Variants in ASRGL1 observed in about 807,000 individuals in gnomAD.
The protein encoded by ASRGL1 is isoaspartyl peptidase/L-asparaginase.
In ASRGL1, 16 loss-of-function variants were observed where a neutral mutation model predicts 22.4. That is an observed-to-expected ratio of 0.71 (90% CI 0.48 to 1.08). The LOEUF (loss-of-function observed/expected upper bound fraction) is 1.08. ASRGL1 is among the 50% of genes least tolerant of loss of function. ASRGL1 has a pLI of 0.00. For missense variants in ASRGL1, 412 were observed against 410.1 expected (o/e 1.00, Z -0.04); for synonymous variants, 165 against 159.3 (o/e 1.04, Z -0.27).
rs139195278 is a variant in ASRGL1 at position 62,349,992 on chromosome 11, G to A, written c.191-6333G>A. Among the ~76,000 whole-genome samples, 37 of 152,230 alleles carry A rather than the reference G, an allele frequency of 2.4e-4. No homozygotes were observed. The East Asian group carries it at 7.1e-3, about 29-fold the overall frequency. ...TCTTGGGTTTGGTGGGGTTTGGCTG[G>A]CTTCTTTACTGTAACCTGTTTTATC... On this transcript the variant is annotated intron_variant, in intron 2 of 6. Coordinates refer to ENST00000415229, the MANE Select transcript of ASRGL1 (RefSeq NM_001083926.2).
chr11:62,342,834 T>A (rs1220302417), intron 2 of ASRGL1, among the ~76,000 whole-genome samples: 1 of 152,226 alleles, frequency 6.6e-6, no homozygotes, highest in Non-Finnish European at 1.5e-5. Context: ...CATAATACAT[T>A]AAAGTGTTAC....
At chr11:62,338,439 T>TC (rs1945781090) in intron 2 of ASRGL1, 1 of 392,930 alleles carries the variant, frequency 2.5e-6, no homozygotes, top group Admixed American at 4.2e-5. Flanking sequence ...TGGAGAGACA[T>TC]AAGATGTCAA....
chr11:62,371,376 T>C, intron 4 of ASRGL1: 1 of 709,462 alleles, frequency 1.4e-6, no homozygotes, highest in Non-Finnish European at 2.2e-6. Context: ...AGGTGGGCGG[T>C]GCGGCTGTGG....
In ASRGL1 at chr11:62,375,457, T is replaced by C. The variant is rs1456374851; in HGVS notation, c.492-13676T>C. The stretch of plus-strand genomic sequence containing the variant: ...ATATATATATATATATATATATATA[T>C]ATATATATATATATATATATATATT... On this transcript the variant is annotated intron_variant, in intron 4 of 6. Coordinates refer to ENST00000415229, the MANE Select transcript of ASRGL1 (RefSeq NM_001083926.2). Among the ~76,000 whole-genome samples the C allele has an allele frequency of 6.9e-3, 772 of 111,316 alleles. 35 individuals carry two copies. The highest frequency in any genetic ancestry group is 0.025 in the African/African-American group (740 of 30,152). The allele number at this position is 111,316 out of a possible 152,430, so 73.0% of individuals were successfully genotyped here.
intron 2 of ASRGL1, among the ~76,000 whole-genome samples, chr11:62,349,762 T>C (rs796425293): frequency 9.2e-5 from 14 of 152,314 alleles, no homozygotes; most frequent in African/African-American, 3.1e-4. Flanking sequence ...GAATAAAGCA[T>C]GGCTACTCCA....
chr11:62,392,110 G>C lies in ASRGL1; in HGVS notation c.753G>C (p.Ser251=), dbSNP rs149188142. The change falls in exon 7 of 7, where the codon TCG becomes TCC. Residue 251 remains serine, a synonymous_variant. Transcript: ENST00000415229. The part of the protein sequence containing the change: ...GKTVEEAADL[S]LGYMKSRVKG... ...CGGTAGAAGAGGCTGCGGACCTATC[G>C]TTGGGTTATATGAAGTCAAGGGTTA... The C allele has an allele frequency of 3.3e-5, 53 of 1,614,084 alleles. No individual in the cohort carries two copies. The African/African-American group carries it at 6.8e-4, about 21-fold the overall frequency.
chr11:62,345,988 G>A (rs1250968327), intron 2 of ASRGL1, among the ~76,000 whole-genome samples: 1 of 152,072 alleles, frequency 6.6e-6, no homozygotes, highest in Non-Finnish European at 1.5e-5. Flanking sequence ...TGGGGGTTGG[G>A]GACTCCTATG....
intron 4 of ASRGL1, among the ~76,000 whole-genome samples, chr11:62,369,589 C>G (rs1411433365): frequency 6.6e-6 from 1 of 152,100 alleles, no homozygotes; most frequent in East Asian, 1.9e-4. Context: ...ATGAAATTTA[C>G]AATAATAGTA....
chr11:62,398,653 C>T, the ASRGL1 span, among the ~76,000 whole-genome samples: 1 of 152,224 alleles, frequency 6.6e-6, no homozygotes, highest in Non-Finnish European at 1.5e-5. Flanking sequence ...GCTCCCCGCC[C>T]CTCCCCTGGG....
chr11:62,343,730 C>CAAAAAA (rs71053038), intron 2 of ASRGL1, among the ~76,000 whole-genome samples: 1 of 68,964 alleles, frequency 1.5e-5, no homozygotes, highest in Non-Finnish European at 2.5e-5. Context: ...TCCAGCTCCA[C>CAAAAAA]AAAAAAAAAA....
At chr11:62,337,739 AC>A (rs3216739) in intron 1 of ASRGL1, among the ~76,000 whole-genome samples, 150 bp from the exon 2 acceptor site, 128,686 of 152,020 alleles carry the variant, frequency 0.85, 54,992 homozygotes, top group East Asian at 0.99. Context: ...GGAAACTGAG[AC>A]CCCCAGCAGG....
intron 4 of ASRGL1, among the ~76,000 whole-genome samples, chr11:62,369,159 C>T (rs1176958664): frequency 3.3e-5 from 5 of 152,094 alleles, no homozygotes; most frequent in African/African-American, 7.2e-5. Flanking sequence ...TGTGGCTTTC[C>T]GCAGTGTATT....
rs368178129 is a variant in ASRGL1 at position 62,388,651 on chromosome 11, CAA to C, written c.492-480_492-479del. On this transcript the variant is annotated intron_variant, in intron 4 of 6. Coordinates refer to ENST00000415229, the MANE Select transcript of ASRGL1 (RefSeq NM_001083926.2). ...TGCCACTGCACTGCAGCCTGGGCGA[CAA>C]AGTGAGACTTCATCTCAAAAAAAAA... 6.4e-3 allele frequency among the ~76,000 whole-genome samples: 708 copies of C among 110,280 alleles called. 2 individuals carry two copies. The highest frequency in any genetic ancestry group is 0.02 in the African/African-American group (562 of 28,244). The allele number at this position is 110,280 out of a possible 152,430, so 72.3% of individuals were successfully genotyped here.
intron 4 of ASRGL1, among the ~76,000 whole-genome samples, chr11:62,364,158 CAAAAAAAA>C: frequency 1.1e-5 from 1 of 93,494 alleles, no homozygotes; most frequent in East Asian, 2.9e-4. Flanking sequence ...GAGTCCGTCT[CAAAAAAAA>C]AAAAAAAAAA....
At chr11:62,392,015 G>A (rs1005485249) in intron 6 of ASRGL1, 64 bp from the exon 7 acceptor site, 2 of 1,566,630 alleles carry the variant, frequency 1.3e-6, no homozygotes, top group Admixed American at 1.7e-5. Flanking sequence ...CAAATGGCAA[G>A]TGATTTTCCC....
rs189638601 is a variant in ASRGL1, at chr11:62,388,973, G to A, written c.492-160G>A. On this transcript the variant is annotated intron_variant, in intron 4 of 6. Coordinates refer to ENST00000415229, the MANE Select transcript of ASRGL1 (RefSeq NM_001083926.2). ...CCAGCAATCCACCTGTAACTTACAC[G>A]TAGAATGAGAAGCAGCAGGTTCTTT... Among the ~76,000 whole-genome samples the A allele has an allele frequency of 7.5e-3, 1,138 of 152,256 alleles. 6 individuals are homozygous for A. Among genetic ancestry groups the A allele is most frequent in the Non-Finnish European group, 0.011 (781 of 68,032 alleles).
chr11:62,362,890 A>AATTTTTT (rs1946514040), intron 4 of ASRGL1, among the ~76,000 whole-genome samples: 1 of 72,362 alleles, frequency 1.4e-5, no homozygotes, highest in East Asian at 4.2e-4. Flanking sequence ...TAAAGGATTT[A>AATTTTTT]ATTTTTTTTT....
chr11:62,367,408 G>T (rs111712947), intron 4 of ASRGL1, among the ~76,000 whole-genome samples: 32,761 of 151,828 alleles, frequency 0.22, 4,375 homozygotes, highest in South Asian at 0.36. Flanking sequence ...CAGTTTGGGA[G>T]GCTGAGGTGG....
chr11:62,360,156 T>C (rs1946399468), intron 4 of ASRGL1, among the ~76,000 whole-genome samples: 1 of 151,658 alleles, frequency 6.6e-6, no homozygotes, highest in Admixed American at 6.6e-5. Context: ...GCCTCCTGAG[T>C]AGCTGGTATT....
Sources: allele counts gnomAD v4.1 joint callset (sites outside exome capture counted in the v4.1 genomes callset), GRCh38; gene constraint gnomAD v4.1.1; transcripts MANE v1.5; gene names NCBI Gene and HGNC (gene_info 2026-07-23, HGNC 2026-07-21).